CABIN1: variants seen among roughly 807,000 people sequenced by gnomAD.
CABIN1 encodes calcineurin-binding protein cabin-1.
Under a neutral mutation model 227.7 loss-of-function variants are expected in CABIN1, and 133 were observed. That is an observed-to-expected ratio of 0.58 (90% CI 0.51 to 0.67). The LOEUF is 0.67. Among genes scored for constraint, CABIN1 ranks in the 30% least tolerant of loss-of-function variants. CABIN1 has a pLI of 0.00. For missense variants in CABIN1, 2,408 were observed against 2,852.5 expected, an observed-to-expected ratio of 0.84 and a Z score of 3.55; for synonymous variants, 1,086 against 1,155.1, an observed-to-expected ratio of 0.94 and a Z score of 1.21.
chr22:24,017,230 G>A (rs1359385639), intron 1 of CABIN1, among the ~76,000 whole-genome samples: 1 of 151,650 alleles, frequency 6.6e-6, no homozygotes, highest in African/African-American at 2.4e-5. Context: ...GCAGAGACAG[G>A]GTTTCACTGT....
At chr22:24,030,620 T>G (rs1380994949) in intron 1 of CABIN1, among the ~76,000 whole-genome samples, 2 of 152,144 alleles carry the variant, frequency 1.3e-5, no homozygotes, top group African/African-American at 4.8e-5. Flanking sequence ...AAATTTGTAT[T>G]TGTTCTCCTA....
intron 28 of CABIN1, among the ~76,000 whole-genome samples, chr22:24,129,326 C>T (rs144913058): frequency 5.3e-4 from 81 of 152,306 alleles, no homozygotes; most frequent in African/African-American, 1.4e-3. Context: ...TGTAGTGAAA[C>T]GATTGCTGGC....
chr22:24,110,493 T>G (rs2042749665), intron 26 of CABIN1, among the ~76,000 whole-genome samples: 1 of 152,258 alleles, frequency 6.6e-6, no homozygotes, highest in Admixed American at 6.5e-5. Flanking sequence ...TAACCATTTC[T>G]GGGAAACTCC....
chr22:24,059,169 C>G (rs1435475848), intron 10 of CABIN1, 58 bp from the exon 11 acceptor site: 2 of 1,607,988 alleles, frequency 1.2e-6, no homozygotes, highest in Non-Finnish European at 8.5e-7. Flanking sequence ...AGGAAGAGTT[C>G]AGATGCTTGT....
At chr22:24,036,450 G>T (rs1404672184) in intron 3 of CABIN1, among the ~76,000 whole-genome samples, 1 of 152,178 alleles carries the variant, frequency 6.6e-6, no homozygotes, top group Non-Finnish European at 1.5e-5. Context: ...GCAGCCCTCA[G>T]GAGTTGGGAT....
intron 29 of CABIN1, chr22:24,156,390 G>T: frequency 3.5e-6 from 1 of 285,852 alleles, no homozygotes; most frequent in Non-Finnish European, 6.5e-6. Flanking sequence ...GGCTTGGGCG[G>T]CGGCGCGCGG....
intron 24 of CABIN1, among the ~76,000 whole-genome samples, chr22:24,095,147 G>A (rs565752443): frequency 1.3e-5 from 2 of 152,352 alleles, no homozygotes; most frequent in East Asian, 3.9e-4. Context: ...GCTGCCAGCA[G>A]GTTCTCACCT....
intron 29 of CABIN1, among the ~76,000 whole-genome samples, chr22:24,159,068 T>C (rs969280077): frequency 3.9e-5 from 6 of 152,328 alleles, no homozygotes; most frequent in Admixed American, 3.9e-4. Flanking sequence ...TGTGGGCTTC[T>C]CTTCCCCCCA....
At chr22:24,157,790 C>T (rs2045924552) in intron 29 of CABIN1, among the ~76,000 whole-genome samples, 2 of 152,344 alleles carry the variant, frequency 1.3e-5, no homozygotes, top group African/African-American at 4.8e-5. Flanking sequence ...CATCCCCTTC[C>T]TGGCTCCGCT....
chr22:24,102,171 TG>T, intron 26 of CABIN1: 1 of 152,498 alleles, frequency 6.6e-6, no homozygotes, highest in Non-Finnish European at 1.5e-5. Flanking sequence ...TTGGCCAGCC[TG>T]GCAGAGACTG....
intron 15 of CABIN1, among the ~76,000 whole-genome samples, chr22:24,065,211 G>T (rs1460494154): frequency 1.3e-4 from 20 of 152,102 alleles, no homozygotes; most frequent in Non-Finnish European, 1.8e-4. Context: ...TTCCCAGACG[G>T]GGCGGCTGCC....
At chr22:24,070,474 G>T (rs2040005197) in intron 16 of CABIN1, among the ~76,000 whole-genome samples, 1 of 152,238 alleles carries the variant, frequency 6.6e-6, no homozygotes, top group Admixed American at 6.5e-5. Context: ...AGAGCTGACA[G>T]GTGTTGGGGT....
In CABIN1 at chr22:24,035,434, T is replaced by A. The variant is rs2036793466; in HGVS notation, c.-74-10T>A. ...AGGCCTTGTCTCAGTTTGTCCTATTTCCTTTCTAGGAGAGTTGTGGACTGG... is the reference window on the plus strand; with the variant it reads ...AGGCCTTGTCTCAGTTTGTCCTATTACCTTTCTAGGAGAGTTGTGGACTGG... On this transcript the variant is annotated splice_polypyrimidine_tract_variant and intron_variant, in intron 1 of 36. Transcript: ENST00000263119. The A allele has an allele frequency of 6.3e-7, 1 of 1,583,038 alleles. No individual in the cohort carries two copies. The highest frequency in any genetic ancestry group is 8.7e-7 in the Non-Finnish European group (1 of 1,151,798).
chr22:24,016,517 T>A (rs1360388388), intron 1 of CABIN1, among the ~76,000 whole-genome samples: 2 of 152,260 alleles, frequency 1.3e-5, no homozygotes, highest in African/African-American at 4.8e-5. Flanking sequence ...CATAGTACGT[T>A]ATAATAGTTT....
intron 19 of CABIN1, among the ~76,000 whole-genome samples, chr22:24,079,398 T>C (rs565956365): frequency 3.3e-4 from 51 of 152,246 alleles, no homozygotes; most frequent in African/African-American, 1.2e-3. Context: ...CATGTGAGAG[T>C]TTCTCTTGTG....
chr22:24,127,559 T>C (rs2043810654), intron 28 of CABIN1, among the ~76,000 whole-genome samples: 1 of 152,156 alleles, frequency 6.6e-6, no homozygotes, highest in Admixed American at 6.5e-5. Context: ...GAGGACATAA[T>C]ACTAAGTGAA....
chr22:24,029,124 C>T (rs916468608), intron 1 of CABIN1, among the ~76,000 whole-genome samples: 1 of 152,182 alleles, frequency 6.6e-6, no homozygotes, highest in Non-Finnish European at 1.5e-5. Flanking sequence ...GAGGCCGAGA[C>T]AGGTGGATCG....
intron 27 of CABIN1, among the ~76,000 whole-genome samples, chr22:24,114,018 G>A (rs1473807994): frequency 3.3e-5 from 5 of 152,216 alleles, no homozygotes; most frequent in Admixed American, 1.3e-4. Context: ...TCACAACCCA[G>A]CCCGGGAAAG....
At chr22:24,043,984 G>A (rs2037640344) in intron 6 of CABIN1, among the ~76,000 whole-genome samples, 2 of 152,158 alleles carry the variant, frequency 1.3e-5, no homozygotes, top group South Asian at 2.1e-4. Context: ...AGCAAACTTA[G>A]CAAGGCAAAT....
Sources: allele counts gnomAD v4.1 joint callset (sites outside exome capture counted in the v4.1 genomes callset), GRCh38; gene constraint gnomAD v4.1.1; transcripts MANE v1.5; gene names NCBI Gene and HGNC (gene_info 2026-07-23, HGNC 2026-07-21).